The following SMARCA2 variants were observed in gnomAD, a reference collection of about 807,000 sequenced individuals.
SMARCA2 encodes the protein SWI/SNF related BAF chromatin remodeling complex subunit ATPase 2.
Under a neutral mutation model 199.8 loss-of-function variants are expected in SMARCA2, and 61 were observed. The observed-to-expected ratio is 0.31, with a 90% CI of 0.25 to 0.38. SMARCA2 has a LOEUF of 0.38. Ranked by LOEUF, SMARCA2 falls within the 10% of genes least tolerant of loss-of-function variation. The pLI, the probability that SMARCA2 is intolerant of heterozygous loss-of-function variation, is 1.00. For synonymous variants in SMARCA2, 935 were observed against 732.0 expected (o/e 1.28, Z -4.48); for missense variants, 1,344 against 2,012.2 (o/e 0.67, Z 6.35).
Position 2,039,401 on chromosome 9 carries a change from C to T in SMARCA2, c.356-65C>T. ...TGCTGTGGACAATTATTAGAGTATTCAGGGATATCTCTCTTTCAGGGTTGT... is the reference window on the plus strand; with the variant it reads ...TGCTGTGGACAATTATTAGAGTATTTAGGGATATCTCTCTTTCAGGGTTGT... On this transcript the variant is annotated intron_variant, in intron 3 of 33. Transcript: ENST00000349721. The surrounding 1 kb of genome is among the most constrained non-coding windows in gnomAD (Gnocchi z 4.8). 1 of 1,482,282 alleles carries T rather than the reference C, an allele frequency of 6.7e-7. No individual in the cohort carries two copies. The highest frequency in any genetic ancestry group is 1.3e-5 in the South Asian group (1 of 79,430). 91.8% of individuals were successfully genotyped at this position (1,482,282 alleles called of 1,614,324 possible).
intron 29 of SMARCA2, among the ~76,000 whole-genome samples, chr9:2,180,329 T>C (rs1826936246): frequency 6.6e-6 from 1 of 152,234 alleles, no homozygotes; most frequent in African/African-American, 2.4e-5. Context: ...GCAGGCCTCT[T>C]TGCACTTCAG....
At chr9:2,187,537 G>C (rs896311892) in intron 32 of SMARCA2, among the ~76,000 whole-genome samples, 3 of 152,106 alleles carry the variant, frequency 2.0e-5, no homozygotes, top group Non-Finnish European at 4.4e-5. Flanking sequence ...AAATAGCCAA[G>C]TGTGGTGGCA....
chr9:2,070,979 G>A (rs1336540435), intron 10 of SMARCA2, among the ~76,000 whole-genome samples: 1 of 152,146 alleles, frequency 6.6e-6, no homozygotes, highest in Non-Finnish European at 1.5e-5. Context: ...TCATTTCCTA[G>A]TAGTTCCAGT....
chr9:2,079,323 C>G (rs1821463304), intron 14 of SMARCA2, among the ~76,000 whole-genome samples: 1 of 152,216 alleles, frequency 6.6e-6, no homozygotes, highest in South Asian at 2.1e-4. Context: ...CAATTAACAT[C>G]CTGTAAGACT....
Position 2,096,659 on chromosome 9 carries a change from G to A in SMARCA2, c.2886G>A (p.Val962=). The A allele has an allele frequency of 6.2e-7, 1 of 1,608,590 alleles. No individual in the cohort carries two copies. Among genetic ancestry groups the A allele is most frequent in the Non-Finnish European group, 8.5e-7 (1 of 1,174,998 alleles). Reference sequence around the variant, plus strand: ...ACTTACTGTTCTCTTTTCTGCAGGTGGAATATGTGATCAAGTGTGACATGT... The same window carrying A: ...ACTTACTGTTCTCTTTTCTGCAGGTAGAATATGTGATCAAGTGTGACATGT... ...KEVESQLPEK[V]EYVIKCDMSA... The change falls in exon 20 of 34, where the codon GTG becomes GTA. Residue 962 remains valine (V), a splice_region_variant and synonymous_variant. Transcript: ENST00000349721.
intron 27 of SMARCA2, among the ~76,000 whole-genome samples, chr9:2,139,293 T>C (rs1433904341): frequency 6.6e-6 from 1 of 152,078 alleles, no homozygotes; most frequent in East Asian, 1.9e-4. Flanking sequence ...CTAAGACTTG[T>C]AGGTTTGGGT....
At chr9:2,185,513 C>G (rs1827376850) in intron 31 of SMARCA2, among the ~76,000 whole-genome samples, 1 of 152,156 alleles carries the variant, frequency 6.6e-6, no homozygotes, top group Non-Finnish European at 1.5e-5. Flanking sequence ...TCTTGTGATT[C>G]TTTATATACC....
In SMARCA2 at chr9:2,182,173, A is replaced by T; in HGVS notation, c.4392A>T (p.Leu1464=). 6.2e-7 allele frequency: 1 copy of T among 1,613,340 alleles called. No homozygotes were observed. The change falls in exon 31 of 34, where the codon CTA becomes CTT. Residue 1464 remains leucine (L), a synonymous_variant. Transcript: ENST00000349721. ...TTCGTAATCATAAGTACCGGAGCCT[A>T]GGCGACCTGGAGAAGGATGTCATGC... ...ERIRNHKYRS[L]GDLEKDVMLL... is the part of the protein sequence containing the mutation.
At chr9:2,050,229 T>A (rs138285491) in intron 5 of SMARCA2, among the ~76,000 whole-genome samples, 1 of 152,312 alleles carries the variant, frequency 6.6e-6, no homozygotes, top group East Asian at 1.9e-4. Context: ...TTTTTCCCAC[T>A]TAAATTGGAT....
intron 6 of SMARCA2, among the ~76,000 whole-genome samples, chr9:2,055,153 G>A (rs1298221225): frequency 1.3e-5 from 2 of 152,216 alleles, no homozygotes; most frequent in African/African-American, 2.4e-5. Context: ...TGGTAGCCAC[G>A]CTACTGAATT....
chr9:2,041,216 T>C (rs980402815), intron 4 of SMARCA2: 11 of 397,348 alleles, frequency 2.8e-5, no homozygotes, highest in African/African-American at 1.6e-4. Context: ...CTAAGAGATA[T>C]CCTCATCTTA....
In SMARCA2 at chr9:2,086,106, C is replaced by T. The variant is rs530486482; in HGVS notation, c.2527-723C>T. 6.6e-6 allele frequency: 1 copy of T among 152,282 alleles called. No homozygotes were observed. Among genetic ancestry groups the T allele is most frequent in the Admixed American group, 6.5e-5 (1 of 15,280 alleles). The allele number at this position is 152,282 out of a possible 1,614,324, so 9.4% of individuals were successfully genotyped here. A position where few individuals can be genotyped will look rare whatever the true frequency, so the allele number is the denominator to read the frequency against. On this transcript the variant is annotated intron_variant, in intron 17 of 33. Coordinates refer to ENST00000349721, the MANE Select transcript of SMARCA2 (RefSeq NM_003070.5). This position sits in a 1 kb window ranked among gnomAD's most constrained non-coding sequence, Gnocchi z 4.3. ...GATATTTTTGCAGTGCGCTTTCTGC[C>T]AGTGAGTATATTCTTTTATTTTAGA...
rs1162957087 is a variant in SMARCA2, at chr9:2,181,371, G to A, written c.4254-200G>A. 3 of 464,094 alleles carry A rather than the reference G, an allele frequency of 6.5e-6. No individual in the cohort carries two copies. The East Asian group carries it at 1.3e-4, about 20-fold the overall frequency. The allele number at this position is 464,094 out of a possible 1,614,324, so 28.7% of individuals were successfully genotyped here. A position where few individuals can be genotyped will look rare whatever the true frequency, so the allele number is the denominator to read the frequency against. On this transcript the variant is annotated intron_variant, in intron 29 of 33. Coordinates refer to ENST00000349721, the MANE Select transcript of SMARCA2 (RefSeq NM_003070.5). ...GTGTGACAGAAGTGGGGACCAAATT[G>A]TATTTTACTGTGATCTTAAAATTAT...
At chr9:2,192,278 C>T in intron 33 of SMARCA2, 1 of 173,394 alleles carries the variant, frequency 5.8e-6, no homozygotes. Flanking sequence ...AACACATTAC[C>T]ATTTTGGTAA....
At chr9:2,087,635 A>C (rs1821857309) in intron 18 of SMARCA2, among the ~76,000 whole-genome samples, 1 of 151,130 alleles carries the variant, frequency 6.6e-6, no homozygotes. Flanking sequence ...CCAATTTCTT[A>C]TTGTTCCTTC....
rs557135071 is a variant in SMARCA2 at position 2,063,115 on chromosome 9, T to C, written c.1692+2129T>C. On this transcript the variant is annotated intron_variant, in intron 9 of 33. Transcript: ENST00000349721. The stretch of plus-strand genomic sequence containing the variant: ...TCTTGGGTGCCTAGCATTTGTGCCC[T>C]CAGCAGGACTAAGTCGGAGGGGCTC... 4.8e-4 allele frequency among the ~76,000 whole-genome samples: 73 copies of C among 152,238 alleles called. 2 individuals carry two copies. In the South Asian group the frequency reaches 0.014, roughly 29 times the overall value.
At chr9:2,071,033 T>C (rs55965824) in intron 10 of SMARCA2, among the ~76,000 whole-genome samples, 15,724 of 152,220 alleles carry the variant, frequency 0.1, 928 homozygotes, top group East Asian at 0.3. Flanking sequence ...TTGGATTTTT[T>C]TCTGAAGAAT....
intron 27 of SMARCA2, among the ~76,000 whole-genome samples, chr9:2,136,186 C>CTT (rs35768052): frequency 2.7e-4 from 36 of 131,530 alleles, no homozygotes; most frequent in South Asian, 1.7e-3. Flanking sequence ...TCCCCTGCTT[C>CTT]TTTTTTTTTT....
At chr9:2,173,574 C>G (rs1270956318) in intron 29 of SMARCA2, among the ~76,000 whole-genome samples, 1 of 152,014 alleles carries the variant, frequency 6.6e-6, no homozygotes, top group Non-Finnish European at 1.5e-5. Flanking sequence ...TAGTTTGGAC[C>G]CAGAATCAAG....
Sources: gnomAD v4.1 joint callset for allele counts (sites outside exome capture counted in the v4.1 genomes callset) on GRCh38, gnomAD v4.1.1 for gene constraint, Gnocchi (gnomAD v3.1) non-coding constraint, MANE v1.5 for transcripts, NCBI Gene and HGNC (gene_info 2026-07-23, HGNC 2026-07-21) for gene names.